Variants in ATM observed in about 807,000 individuals in gnomAD.
The protein encoded by ATM is serine-protein kinase ATM.
ATM carries 308 observed loss-of-function variants against 387.0 expected under a neutral mutation model. The observed-to-expected ratio is 0.80, with a 90% CI of 0.73 to 0.87. The LOEUF (loss-of-function observed/expected upper bound fraction) is 0.87. ATM is among the 40% of genes least tolerant of loss of function. ATM has a pLI of 0.00. For synonymous variants in ATM, 1,156 were observed against 1,187.3 expected, an observed-to-expected ratio of 0.97 and a Z score of 0.54; for missense variants, 3,312 against 3,560.9, an observed-to-expected ratio of 0.93 and a Z score of 1.78.
intron 45 of ATM, among the ~76,000 whole-genome samples, chr11:108,323,817 C>G (rs1325138588): frequency 2.6e-5 from 4 of 152,120 alleles, no homozygotes; most frequent in African/African-American, 9.7e-5. Flanking sequence ...TGCTTATGCT[C>G]TCAGATTACA....
At chr11:108,291,862 T>G (rs982243313) in intron 29 of ATM, among the ~76,000 whole-genome samples, 31 of 152,058 alleles carry the variant, frequency 2.0e-4, no homozygotes, top group Non-Finnish European at 4.1e-4. Context: ...TGAGCAAGAG[T>G]CTTATCTTGA....
In ATM at chr11:108,321,437, A is replaced by G; in HGVS notation, c.6572+17A>G. On this transcript the variant is annotated intron_variant, in intron 45 of 62. Transcript: ENST00000675843. ...TTTCTCAAGGTATGTAATTCGTATG[A>G]CTTTGTTATCCTAAAGTGCAGCTTT... 6.2e-7 allele frequency: 1 copy of G among 1,613,940 alleles called. No homozygotes were observed. Among genetic ancestry groups the G allele is most frequent in the Non-Finnish European group, 8.5e-7 (1 of 1,179,894 alleles).
At chr11:108,234,459 A>G (rs565517391) in intron 4 of ATM, among the ~76,000 whole-genome samples, 2 of 152,288 alleles carry the variant, frequency 1.3e-5, no homozygotes, top group African/African-American at 4.8e-5. Context: ...TTTAAATGTA[A>G]TTTTGTTACC....
At chr11:108,250,664 G>A (rs2135313864) in intron 9 of ATM, 37 bp from the exon 10 acceptor site, 13 of 1,572,400 alleles carry the variant, frequency 8.3e-6, no homozygotes, top group African/African-American at 1.4e-5. Context: ...TAATGTGATG[G>A]AATAGTTTTC....
intron 5 of ATM, among the ~76,000 whole-genome samples, chr11:108,240,539 G>A (rs1162772431): frequency 2.0e-5 from 3 of 152,170 alleles, no homozygotes; most frequent in Non-Finnish European, 4.4e-5. Flanking sequence ...TGGTATTACT[G>A]CTCCTGCACT....
rs2091412180 is a variant in ATM, at chr11:108,367,779, G to A, written c.*2271G>A. 4.6e-6 allele frequency: 1 copy of A among 215,388 alleles called. No individual in the cohort carries two copies. The highest frequency in any genetic ancestry group is 9.4e-6 in the Non-Finnish European group (1 of 106,758). 13.3% of individuals were successfully genotyped at this position (215,388 alleles called of 1,614,324 possible). ...CTATAAATTTCTTGGTTTGACTTCT[G>A]GAGAACTGTTCAGAATATTACTTTG... On this transcript the variant is annotated 3_prime_UTR_variant, in exon 63 of 63. Transcript: ENST00000675843.
chr11:108,224,675 C>G (rs2078652732), intron 1 of ATM: 1 of 152,142 alleles, frequency 6.6e-6, no homozygotes, highest in African/African-American at 2.4e-5. Flanking sequence ...CCAGTTAGTT[C>G]AGATCTTGGC....
intron 16 of ATM, among the ~76,000 whole-genome samples, chr11:108,260,535 C>A (rs2080802277): frequency 6.6e-6 from 1 of 152,190 alleles, no homozygotes; most frequent in Non-Finnish European, 1.5e-5. Flanking sequence ...CATTGTCCTC[C>A]AAAATAGTCA....
At chr11:108,260,350 T>A (rs2080789911) in intron 16 of ATM, among the ~76,000 whole-genome samples, 1 of 152,184 alleles carries the variant, frequency 6.6e-6, no homozygotes, top group Non-Finnish European at 1.5e-5. Context: ...GCCCATCTGC[T>A]CTTAATTAAC....
intron 43 of ATM, among the ~76,000 whole-genome samples, chr11:108,317,805 C>G (rs534970281): frequency 5.0e-4 from 76 of 151,214 alleles, no homozygotes; most frequent in Middle Eastern, 3.4e-3. Context: ...GTTAATGCAC[C>G]TAGGCTTGAA....
chr11:108,290,210 G>A (rs2082709887), intron 29 of ATM: 1 of 154,958 alleles, frequency 6.5e-6, no homozygotes. Context: ...GTAGATACCA[G>A]AATGTTGCTT....
intron 61 of ATM, among the ~76,000 whole-genome samples, chr11:108,357,499 G>C (rs987140078): frequency 6.6e-6 from 1 of 152,230 alleles, no homozygotes; most frequent in Non-Finnish European, 1.5e-5. Flanking sequence ...GCAGGGCACA[G>C]ACAAACAAAA....
chr11:108,273,275 C>T (rs534259472), intron 22 of ATM, among the ~76,000 whole-genome samples: 2 of 145,616 alleles, frequency 1.4e-5, no homozygotes, highest in South Asian at 4.4e-4. Context: ...TGGAAGGATT[C>T]TATCATGAGG....
At chr11:108,325,934 G>A in intron 46 of ATM, 124 bp from the exon 47 acceptor site, 1 of 1,210,304 alleles carries the variant, frequency 8.3e-7, no homozygotes, top group Non-Finnish European at 1.2e-6. Context: ...AGGTCCTTAA[G>A]ATAGTCCCTG....
At chr11:108,235,170 G>A (rs1307873034) in intron 4 of ATM, among the ~76,000 whole-genome samples, 2 of 151,866 alleles carry the variant, frequency 1.3e-5, no homozygotes, top group African/African-American at 4.8e-5. Context: ...GGTGGTGCAC[G>A]CCTCTAGTCT....
At chr11:108,241,728 G>GTCTT (rs1419667190) in intron 5 of ATM, among the ~76,000 whole-genome samples, 2 of 97,752 alleles carry the variant, frequency 2.0e-5, no homozygotes, top group Non-Finnish European at 4.3e-5. Context: ...CTTTCTTTCT[G>GTCTT]TCTTTCTTTC....
At chr11:108,340,667 A>C (rs1484437180) in intron 56 of ATM, among the ~76,000 whole-genome samples, 1 of 152,174 alleles carries the variant, frequency 6.6e-6, no homozygotes, top group Non-Finnish European at 1.5e-5. Flanking sequence ...AATAACTGTT[A>C]GAGTGATCCT....
At chr11:108,332,536 T>C (rs1211502389) in intron 52 of ATM, among the ~76,000 whole-genome samples, 11 of 152,146 alleles carry the variant, frequency 7.2e-5, no homozygotes, top group Non-Finnish European at 1.5e-5. Context: ...CTCAAAGCAG[T>C]TGGCAAAGTG....
At chr11:108,244,692 G>GTTTTT in intron 6 of ATM, 96 bp from the exon 7 acceptor site, 1 of 956,004 alleles carries the variant, frequency 1.0e-6, no homozygotes. Flanking sequence ...TTAGGGTTTT[G>GTTTTT]TTTTTTTTTC....
Sources: gnomAD v4.1 joint callset for allele counts (sites outside exome capture counted in the v4.1 genomes callset) on GRCh38, gnomAD v4.1.1 for gene constraint, MANE v1.5 for transcripts, NCBI Gene and HGNC (gene_info 2026-07-23, HGNC 2026-07-21) for gene names.